DSCAM: variants seen among roughly 807,000 people sequenced by gnomAD.
The protein encoded by DSCAM is cell adhesion molecule DSCAM.
In DSCAM, 47 loss-of-function variants were observed where a neutral mutation model predicts 217.7. The ratio of observed to expected loss-of-function variants is 0.22; its 90% CI spans 0.17 to 0.28. The LOEUF is 0.28. Among genes scored for constraint, DSCAM ranks in the 10% least tolerant of loss-of-function variants. The probability of loss-of-function intolerance (pLI) is 1.00; values close to 1 mark genes in which losing one functional copy is unlikely to be tolerated. For synonymous variants in DSCAM, 1,056 were observed against 1,015.3 expected, an observed-to-expected ratio of 1.04 and a Z score of -0.76; for missense variants, 2,080 against 2,618.3, an observed-to-expected ratio of 0.79 and a Z score of 4.49.
At chr21:40,530,168 G>A (rs756766900) in intron 3 of DSCAM, among the ~76,000 whole-genome samples, 13 of 152,206 alleles carry the variant, frequency 8.5e-5, no homozygotes, top group Non-Finnish European at 1.6e-4. Context: ...GTCATTGTAC[G>A]ACAGACACAA....
At chr21:40,124,380 G>A (rs370038397) in intron 19 of DSCAM, 52 bp from the exon 20 acceptor site, 176 of 1,606,456 alleles carry the variant, frequency 1.1e-4, no homozygotes, top group South Asian at 6.7e-4. Context: ...TTGGGCTTGC[G>A]GACCCACGCT....
chr21:40,705,709 G>A (rs1310913301), intron 2 of DSCAM, among the ~76,000 whole-genome samples: 1 of 152,036 alleles, frequency 6.6e-6, no homozygotes, highest in Non-Finnish European at 1.5e-5. Flanking sequence ...CCTTCCACTG[G>A]GTCCCTCCCA....
chr21:40,367,398 T>C (rs112603711), intron 4 of DSCAM, among the ~76,000 whole-genome samples: 5 of 152,288 alleles, frequency 3.3e-5, no homozygotes, highest in African/African-American at 9.6e-5. Context: ...CTGTGTTGGT[T>C]TCAGGAGGAG....
At chr21:40,529,744 T>A (rs1364677380) in intron 3 of DSCAM, among the ~76,000 whole-genome samples, 1 of 152,178 alleles carries the variant, frequency 6.6e-6, no homozygotes, top group African/African-American at 2.4e-5. Context: ...GAACCTCCTT[T>A]TCTTTTTAGA....
At chr21:40,094,370 C>T (rs902557115) in intron 20 of DSCAM, among the ~76,000 whole-genome samples, 5 of 152,122 alleles carry the variant, frequency 3.3e-5, no homozygotes, top group East Asian at 1.9e-4. Flanking sequence ...CTCCTCAACT[C>T]GGGAGGTTGG....
At chr21:40,134,420 A>G (rs1398981039) in intron 18 of DSCAM, among the ~76,000 whole-genome samples, 2 of 152,180 alleles carry the variant, frequency 1.3e-5, no homozygotes, top group Non-Finnish European at 2.9e-5. Context: ...CCGACTATTC[A>G]TTAGGAAGCT....
intron 3 of DSCAM, among the ~76,000 whole-genome samples, chr21:40,565,279 G>A (rs555191360): frequency 2.0e-5 from 3 of 152,248 alleles, no homozygotes; most frequent in South Asian, 2.1e-4. Flanking sequence ...ACTGTAGCTC[G>A]AAGAAGACCA....
At chr21:40,751,846 T>A (rs534737296) in intron 1 of DSCAM, among the ~76,000 whole-genome samples, 2 of 152,244 alleles carry the variant, frequency 1.3e-5, no homozygotes, top group Admixed American at 1.3e-4. Context: ...AAGTTACATT[T>A]AAAAAATCAT....
chr21:40,600,249 C>A (rs2077052381), intron 3 of DSCAM, among the ~76,000 whole-genome samples: 1 of 152,202 alleles, frequency 6.6e-6, no homozygotes, highest in African/African-American at 2.4e-5. Context: ...TTATGAACAA[C>A]TGACATTTCT....
At chr21:40,687,388 A>C (rs2090490942) in intron 3 of DSCAM, among the ~76,000 whole-genome samples, 1 of 152,160 alleles carries the variant, frequency 6.6e-6, no homozygotes. Flanking sequence ...TCCGCAAGAT[A>C]GCAGCCACAG....
At position 40,706,755 on chromosome 21, in the gene DSCAM, T is replaced by C. The variant is rs536870962; in HGVS notation, c.361+1699A>G. 2.0e-5 allele frequency among the ~76,000 whole-genome samples: 3 copies of C among 152,340 alleles called. No individual in the cohort carries two copies. In the East Asian group the frequency reaches 5.8e-4, roughly 29 times the overall value. The stretch of plus-strand genomic sequence containing the variant: ...AACAGGATGAAAAAAGATTTTCAAG[T>C]ATCCAGTGAACAACCTAAAAGATTA... On this transcript the variant is annotated intron_variant, in intron 2 of 32. Transcript: ENST00000400454.
At chr21:40,500,873 T>C (rs1477742295) in intron 3 of DSCAM, among the ~76,000 whole-genome samples, 2 of 152,184 alleles carry the variant, frequency 1.3e-5, no homozygotes, top group African/African-American at 2.4e-5. Context: ...TGGGAGCCCA[T>C]TGAGGCAGCC....
At chr21:40,345,507 T>C (rs1258876286) in intron 6 of DSCAM, among the ~76,000 whole-genome samples, 3 of 152,192 alleles carry the variant, frequency 2.0e-5, no homozygotes, top group Non-Finnish European at 4.4e-5. Context: ...GAAACTTTTA[T>C]TATTCTTTTT....
chr21:40,199,912 C>T (rs926050723), intron 11 of DSCAM, among the ~76,000 whole-genome samples: 2 of 151,394 alleles, frequency 1.3e-5, no homozygotes, highest in Non-Finnish European at 2.9e-5. Context: ...GCACATTCTG[C>T]ACATGTATTC....
chr21:40,188,829 CATA>C (rs2090924017), intron 12 of DSCAM, among the ~76,000 whole-genome samples: 1 of 146,814 alleles, frequency 6.8e-6, no homozygotes, highest in South Asian at 2.1e-4. Context: ...CTGCTGCGTT[CATA>C]ATAACCCTAT....
chr21:40,569,003 C>G (rs1018794638), intron 3 of DSCAM, among the ~76,000 whole-genome samples: 1 of 152,174 alleles, frequency 6.6e-6, no homozygotes, highest in Admixed American at 6.5e-5. Context: ...TGCCTAATCC[C>G]AGATAGGCTG....
chr21:40,351,389 G>A (rs1048857353), intron 5 of DSCAM, among the ~76,000 whole-genome samples: 2 of 152,134 alleles, frequency 1.3e-5, no homozygotes, highest in African/African-American at 2.4e-5. Context: ...TTTGGTATCC[G>A]ACCCTGTTGT....
At chr21:40,183,772 T>C (rs1156795192) in intron 14 of DSCAM, among the ~76,000 whole-genome samples, 3 of 152,236 alleles carry the variant, frequency 2.0e-5, no homozygotes, top group Non-Finnish European at 4.4e-5. Flanking sequence ...CTTGCAGAAG[T>C]TCTTTCTGTT....
At chr21:40,361,525 A>G (rs889746961) in intron 4 of DSCAM, among the ~76,000 whole-genome samples, 4 of 152,142 alleles carry the variant, frequency 2.6e-5, no homozygotes, top group Non-Finnish European at 4.4e-5. Flanking sequence ...AGGCTGAGGC[A>G]GGGGAATCAC....
Sources: allele counts gnomAD v4.1 joint callset (sites outside exome capture counted in the v4.1 genomes callset), GRCh38; gene constraint gnomAD v4.1.1; transcripts MANE v1.5; gene names NCBI Gene and HGNC (gene_info 2026-07-23, HGNC 2026-07-21).